Variants in EPB41 observed in about 807,000 individuals in gnomAD.
EPB41 encodes the protein protein 4.1.
A neutral mutation model predicts 108.0 loss-of-function variants in EPB41; 65 were observed. That is an observed-to-expected ratio of 0.60 (90% CI 0.49 to 0.74). The LOEUF is 0.74. Ranked by LOEUF, EPB41 falls within the 30% of genes least tolerant of loss-of-function variation. The pLI is 0.00. For missense variants in EPB41, 875 were observed against 1,037.0 expected (o/e 0.84, Z 2.15); for synonymous variants, 336 against 358.9 (o/e 0.94, Z 0.72).
rs2096809306 is a variant in EPB41, at chr1:29,032,984, G to T, written c.1213-109G>T. ...GTTAGGCTGAGCTTTATTTTTCATT[G>T]TATGTTTTGTAACTGTTTTTGGTTG... On this transcript the variant is annotated intron_variant, in intron 8 of 20. Transcript: ENST00000343067. 14 of 1,070,610 alleles carry T rather than the reference G, an allele frequency of 1.3e-5. No homozygotes were observed. The East Asian group carries it at 3.1e-4, about 24-fold the overall frequency. 66.3% of individuals were successfully genotyped at this position (1,070,610 alleles called of 1,614,324 possible). A position where few individuals can be genotyped will look rare whatever the true frequency, so the allele number is the denominator to read the frequency against.
At chr1:29,044,174 C>T (rs1046039697) in intron 11 of EPB41, among the ~76,000 whole-genome samples, 1 of 152,128 alleles carries the variant, frequency 6.6e-6, no homozygotes, top group Non-Finnish European at 1.5e-5. Context: ...GGGGAATTAT[C>T]TTTTTATCCC....
chr1:29,090,823 A>G (rs767495869), intron 16 of EPB41, among the ~76,000 whole-genome samples: 1 of 152,178 alleles, frequency 6.6e-6, no homozygotes, highest in Non-Finnish European at 1.5e-5. Flanking sequence ...TTAGTTTGCA[A>G]CATGTTGCAT....
upstream of EPB41, among the ~76,000 whole-genome samples, chr1:28,913,423 C>T (rs575203571): frequency 1.3e-5 from 2 of 152,030 alleles, no homozygotes; most frequent in East Asian, 1.9e-4. Context: ...GGTGACAGAG[C>T]GAGACTCCGT....
intron 4 of EPB41, among the ~76,000 whole-genome samples, chr1:29,001,690 C>T (rs1456076717): frequency 6.6e-6 from 1 of 152,116 alleles, no homozygotes; most frequent in African/African-American, 2.4e-5. Context: ...CTTCTAGTTT[C>T]CAGTGTTGCT....
intron 1 of EPB41, among the ~76,000 whole-genome samples, chr1:28,959,622 A>G (rs753241942): frequency 6.6e-6 from 1 of 152,198 alleles, no homozygotes; most frequent in African/African-American, 2.4e-5. Flanking sequence ...GGGACTGGAA[A>G]TAGGTTATTT....
chr1:28,985,864 T>C (rs915441367), intron 1 of EPB41: 19 of 151,984 alleles, frequency 1.3e-4, no homozygotes, highest in African/African-American at 4.6e-4. Context: ...AGTTTTAGGG[T>C]ACCTGTGCAC....
chr1:29,056,459 C>G (rs901989395), intron 12 of EPB41, among the ~76,000 whole-genome samples: 7 of 152,004 alleles, frequency 4.6e-5, no homozygotes, highest in African/African-American at 1.7e-4. Flanking sequence ...GGTGCTGTCT[C>G]CCCCATGTAT....
intron 1 of EPB41, among the ~76,000 whole-genome samples, chr1:28,950,185 G>A (rs564228862): frequency 6.6e-5 from 10 of 152,268 alleles, no homozygotes; most frequent in Admixed American, 3.9e-4. Context: ...TAGAATTGCT[G>A]AGTCATAGAG....
At chr1:28,913,609 T>C (rs1275383160), upstream of EPB41, among the ~76,000 whole-genome samples, 2 of 152,220 alleles carry the variant, frequency 1.3e-5, no homozygotes, top group Non-Finnish European at 2.9e-5. Flanking sequence ...TGCTGTCAGA[T>C]GGCCTGGCTT....
At chr1:28,972,831 T>C (rs527307973) in intron 1 of EPB41, among the ~76,000 whole-genome samples, 1 of 152,122 alleles carries the variant, frequency 6.6e-6, no homozygotes, top group South Asian at 2.1e-4. Flanking sequence ...TTCAAACTCC[T>C]GGGCTCAAGC....
intron 16 of EPB41, among the ~76,000 whole-genome samples, chr1:29,073,607 C>A (rs1045333447): frequency 1.3e-5 from 2 of 152,180 alleles, no homozygotes; most frequent in Admixed American, 1.3e-4. Context: ...CCAAATTTAT[C>A]CTTCTCTTAA....
In EPB41 at chr1:28,932,319, C is replaced by T. The variant is rs573393647; in HGVS notation, c.-8+17551C>T. On this transcript the variant is annotated intron_variant, in intron 1 of 20. Transcript: ENST00000343067. Reference sequence around the variant, plus strand: ...TGTATTTTTAGTAGAGATGGAGTTTCGCCATGTTGGCCAGGCTGATCTCGA... The same window carrying T: ...TGTATTTTTAGTAGAGATGGAGTTTTGCCATGTTGGCCAGGCTGATCTCGA... Among the ~76,000 whole-genome samples, 40 of 152,138 alleles carry T rather than the reference C, an allele frequency of 2.6e-4. 1 individual carries two copies. In the South Asian group the frequency reaches 6.6e-3, roughly 25 times the overall value.
At chr1:29,085,368 C>T (rs1277738790) in intron 16 of EPB41, among the ~76,000 whole-genome samples, 2 of 151,944 alleles carry the variant, frequency 1.3e-5, no homozygotes, top group Non-Finnish European at 2.9e-5. Context: ...TGGTTTCGAA[C>T]TCCTGATCTC....
chr1:29,108,209 C>T lies in EPB41; in HGVS notation c.2314-1127C>T, dbSNP rs956661879. On this transcript the variant is annotated intron_variant, in intron 17 of 20. Transcript: ENST00000343067. ...TGTTGCCCAGGCTGGAGTGCAATGTCGCAATCTCAGCTCTCCACAACCTCT... is the reference window on the plus strand; with the variant it reads ...TGTTGCCCAGGCTGGAGTGCAATGTTGCAATCTCAGCTCTCCACAACCTCT... 4.2e-5 allele frequency among the ~76,000 whole-genome samples: 6 copies of T among 142,140 alleles called. No individual in the cohort carries two copies. The East Asian group carries it at 8.5e-4, about 20-fold the overall frequency. 93.2% of individuals were successfully genotyped at this position (142,140 alleles called of 152,430 possible). A position where few individuals can be genotyped will look rare whatever the true frequency, so the allele number is the denominator to read the frequency against.
At chr1:28,920,867 G>A (rs951648654) in intron 1 of EPB41, among the ~76,000 whole-genome samples, 2 of 152,142 alleles carry the variant, frequency 1.3e-5, no homozygotes, top group Non-Finnish European at 2.9e-5. Flanking sequence ...CTAGGCTCAA[G>A]AAATCTGCCT....
Position 28,887,514 on chromosome 1 carries a change from G to T in EPB41, c.-8+304G>T. ...CCGGTCCTGGCTGTCTGGGGCGGGG[G>T]TCCTGCATTCGGTGTCCGCGGGAGA... On this transcript the variant is annotated intron_variant, in intron 1 of 16. Transcript: ENST00000347529. The surrounding 1 kb of genome is among the most constrained non-coding windows in gnomAD (Gnocchi z 4.9). The T allele has an allele frequency of 1.0e-6, 1 of 985,284 alleles. No homozygotes were observed. 61.0% of individuals were successfully genotyped at this position (985,284 alleles called of 1,614,324 possible).
Position 29,102,930 on chromosome 1 carries a change from A to G in EPB41, c.2313+4995A>G, listed in dbSNP as rs942877583. On this transcript the variant is annotated intron_variant, in intron 17 of 20. Coordinates refer to ENST00000343067, the MANE Select transcript of EPB41 (RefSeq NM_001376013.1). ...TGGGATTACAGGCACCCACCACCAC[A>G]CCCAGCTAATTTTTGTACTTTTAGT... Among the ~76,000 whole-genome samples the G allele has an allele frequency of 2.0e-5, 3 of 151,922 alleles. No individual in the cohort carries two copies. The South Asian group carries it at 6.2e-4, about 32-fold the overall frequency.
intron 14 of EPB41, among the ~76,000 whole-genome samples, 188 bp downstream of exon 14, chr1:29,059,040 C>T (rs1170905092): frequency 3.3e-5 from 5 of 152,074 alleles, no homozygotes; most frequent in South Asian, 4.2e-4. Flanking sequence ...TTTGGGAGGC[C>T]GAGGCAGGAG....
intron 11 of EPB41, among the ~76,000 whole-genome samples, chr1:29,046,230 C>T (rs1573009906): frequency 6.6e-6 from 1 of 151,756 alleles, no homozygotes; most frequent in South Asian, 2.1e-4. Context: ...GTTCAAGTGA[C>T]TCTCCTGCCT....
Sources: allele counts gnomAD v4.1 joint callset (sites outside exome capture counted in the v4.1 genomes callset), GRCh38; gene constraint gnomAD v4.1.1; non-coding constraint Gnocchi (gnomAD v3.1); transcripts MANE v1.5; gene names NCBI Gene and HGNC (gene_info 2026-07-23, HGNC 2026-07-21).